Variants in ZNF337 observed in about 807,000 individuals in gnomAD.
The protein encoded by ZNF337 is zinc finger protein 337.
Under a neutral mutation model 12.1 loss-of-function variants are expected in ZNF337, and 8 were observed. The observed-to-expected ratio is 0.66, with a 90% confidence interval of 0.39 to 1.19. The LOEUF (loss-of-function observed/expected upper bound fraction) is 1.19, where lower values mean the gene tolerates loss of function less well. Among genes scored for constraint, ZNF337 ranks in the 50% most tolerant of loss-of-function variants. ZNF337 has a pLI of 0.01. For synonymous variants in ZNF337, 336 were observed against 320.0 expected (o/e 1.05, Z -0.53); for missense variants, 882 against 896.6 (o/e 0.98, Z 0.21).
In ZNF337 at chr20:25,675,184, C is replaced by T. The variant is rs1028976260; in HGVS notation, c.2104G>A (p.Val702Met). The change falls in exon 5 of 5, where the codon GTG becomes ATG. Residue 702 changes from valine to methionine, a missense_variant. Coordinates refer to ENST00000252979, the MANE Select transcript of ZNF337 (RefSeq NM_015655.4). ...RGYTSKSDLTVHERIHTGERP... is the reference protein window; with the variant it reads ...RGYTSKSDLTMHERIHTGERP... Reference sequence around the variant, plus strand: ...TCTCCTGTGTGTATTCTTTCATGCACAGTGAGGTCTGACTTACTGGTATAG... The same window carrying T: ...TCTCCTGTGTGTATTCTTTCATGCATAGTGAGGTCTGACTTACTGGTATAG... The T allele has an allele frequency of 6.2e-7, 1 of 1,614,266 alleles. No homozygotes were observed. Among genetic ancestry groups the T allele is most frequent in the African/African-American group, 1.3e-5 (1 of 75,064 alleles).
In ZNF337 at chr20:25,676,171, C is replaced by T. The variant is rs201475832; in HGVS notation, c.1117G>A (p.Glu373Lys). Residue 373 changes from glutamate (E) to lysine (K), a missense_variant, in exon 5 of 5, where the codon GAG (glutamate) becomes AAG (lysine). Coordinates refer to ENST00000252979, the MANE Select transcript of ZNF337 (RefSeq NM_015655.4). ...CACTGCCTGCACGCAAAGGGCTTCT[C>T]CCCTGAGTGTGTCCTCTGGTGTGTG... ...LITHQRTHSG[E>K]KPFACRQCKQ... 12 of 1,614,022 alleles carry T rather than the reference C, an allele frequency of 7.4e-6. No individual in the cohort carries two copies. In the Middle Eastern group the frequency reaches 1.2e-3, roughly 155 times the overall value.
rs1460915967 is a variant in ZNF337, at chr20:25,677,056, A to G, written c.251-19T>C. 1 of 1,550,832 alleles carries G rather than the reference A, an allele frequency of 6.4e-7. No homozygotes were observed. Among genetic ancestry groups the G allele is most frequent in the East Asian group, 2.3e-5 (1 of 44,102 alleles). Reference sequence around the variant, plus strand: ...TATATTCCTGGAGAATAGACCAACAATGAGACTGAATCAGTAACGAAAAGT... The same window carrying G: ...TATATTCCTGGAGAATAGACCAACAGTGAGACTGAATCAGTAACGAAAAGT... On this transcript the variant is annotated intron_variant, in intron 4 of 4. Coordinates refer to ENST00000252979, the MANE Select transcript of ZNF337 (RefSeq NM_015655.4).
chr20:25,686,712 G>C (rs2065837192), intron 1 of ZNF337: 2 of 484,268 alleles, frequency 4.1e-6, no homozygotes, highest in Non-Finnish European at 3.7e-6. Context: ...GGGGCTAAAA[G>C]GATGAGGAAC....
intron 4 of ZNF337, among the ~76,000 whole-genome samples, chr20:25,683,647 C>T (rs2065793854): frequency 1.3e-5 from 2 of 152,038 alleles, no homozygotes; most frequent in South Asian, 4.1e-4. Flanking sequence ...CAAATCAAAA[C>T]CACAATGAGA....
rs767811450 is a variant in ZNF337, at chr20:25,676,062, C to T, written c.1226G>A (p.Cys409Tyr). ...SGEKPFVCKD[C>Y]ERSFSQKSTL... Reference sequence around the variant, plus strand: ...TGACTTTTGGCTAAAGCTTCGCTCACAATCCTTGCACACAAAAGGCTTCTC... The same window carrying T: ...TGACTTTTGGCTAAAGCTTCGCTCATAATCCTTGCACACAAAAGGCTTCTC... The change falls in exon 5 of 5, where the codon TGT becomes TAT. Residue 409 changes from cysteine to tyrosine, a missense_variant. Transcript: ENST00000252979. 4 of 1,614,100 alleles carry T rather than the reference C, an allele frequency of 2.5e-6. No homozygotes were observed. The African/African-American group carries it at 5.3e-5, about 22-fold the overall frequency.
chr20:25,682,869 G>T (rs2065784044), intron 4 of ZNF337, among the ~76,000 whole-genome samples: 1 of 151,548 alleles, frequency 6.6e-6, no homozygotes, highest in Non-Finnish European at 1.5e-5. Flanking sequence ...TTAAATCTTT[G>T]TATCTTTATA....
chr20:25,677,910 A>T (rs2065723683), intron 4 of ZNF337: 1 of 152,182 alleles, frequency 6.6e-6, no homozygotes, highest in Non-Finnish European at 1.5e-5. Flanking sequence ...TATAGACAAT[A>T]TGTTCCAAAC....
At chr20:25,685,017 C>T (rs1600443680) in intron 4 of ZNF337, among the ~76,000 whole-genome samples, 3 of 151,598 alleles carry the variant, frequency 2.0e-5, no homozygotes, top group South Asian at 4.2e-4. Flanking sequence ...AGGAGAAACA[C>T]CTAATGTAAA....
intron 4 of ZNF337, among the ~76,000 whole-genome samples, chr20:25,684,305 T>G (rs1014208550): frequency 1.3e-5 from 2 of 151,798 alleles, no homozygotes; most frequent in Non-Finnish European, 2.9e-5. Flanking sequence ...TATACATATG[T>G]AACTAACCTG....
At chr20:25,681,638 C>T (rs764794414) in intron 4 of ZNF337, among the ~76,000 whole-genome samples, 15 of 152,066 alleles carry the variant, frequency 9.9e-5, no homozygotes, top group African/African-American at 3.4e-4. Flanking sequence ...CTCTGGTGGA[C>T]GTGGGGGCAG....
chr20:25,686,646 T>C (rs2065836568), intron 1 of ZNF337, 180 bp from the exon 2 acceptor site: 1 of 568,576 alleles, frequency 1.8e-6, no homozygotes, highest in Non-Finnish European at 3.1e-6. Context: ...GACAAGCTCA[T>C]CTGGGAGTGA....
chr20:25,683,897 T>C (rs2065796509), intron 4 of ZNF337, among the ~76,000 whole-genome samples: 1 of 152,028 alleles, frequency 6.6e-6, no homozygotes, highest in African/African-American at 2.4e-5. Context: ...TAAAGACACA[T>C]GCACACGTAT....
At chr20:25,687,950 T>A (rs972684010) in intron 1 of ZNF337, among the ~76,000 whole-genome samples, 4 of 152,218 alleles carry the variant, frequency 2.6e-5, no homozygotes, top group African/African-American at 7.2e-5. Context: ...TCCTCAACTG[T>A]GGCAAAATAA....
chr20:25,685,848 C>T (rs539780319), intron 3 of ZNF337, 148 bp downstream of exon 3: 2 of 1,302,770 alleles, frequency 1.5e-6, no homozygotes, highest in African/African-American at 1.5e-5. Context: ...CCTGCAGGTG[C>T]CCAGTGGCAG....
At chr20:25,695,923 G>A (rs1436114743) in intron 1 of ZNF337, among the ~76,000 whole-genome samples, 1 of 152,100 alleles carries the variant, frequency 6.6e-6, no homozygotes, top group African/African-American at 2.4e-5. Flanking sequence ...GACCTCTTGA[G>A]GCTGAATAAC....
rs77230347 is a variant in ZNF337 at position 25,693,609 on chromosome 20, A to C, written c.-50+3150T>G. On this transcript the variant is annotated intron_variant, in intron 1 of 4. Transcript: ENST00000252979. ...GCACTGAGAGAAGAAATGTAGGGACAATGATGGAAGTGTCCTGAATGAGGG... is the reference window on the plus strand; with the variant it reads ...GCACTGAGAGAAGAAATGTAGGGACCATGATGGAAGTGTCCTGAATGAGGG... Among the ~76,000 whole-genome samples the C allele has an allele frequency of 8.1e-3, 1,227 of 152,308 alleles. 25 individuals are homozygous for C. Among genetic ancestry groups the C allele is most frequent in the African/African-American group, 0.028 (1,173 of 41,568 alleles).
chr20:25,682,886 A>G (rs1202358661), intron 4 of ZNF337, among the ~76,000 whole-genome samples: 1 of 152,124 alleles, frequency 6.6e-6, no homozygotes, highest in African/African-American at 2.4e-5. Context: ...TATAAACTTG[A>G]TCTAGGAAGG....
intron 1 of ZNF337, among the ~76,000 whole-genome samples, chr20:25,696,099 C>CA (rs1555886834): frequency 1.6e-5 from 2 of 123,276 alleles, no homozygotes; most frequent in African/African-American, 3.7e-5. Context: ...CCCCCCCCCC[C>CA]CCACCAAAAC....
At chr20:25,696,246 C>A (rs191251362) in intron 1 of ZNF337, among the ~76,000 whole-genome samples, 4 of 152,116 alleles carry the variant, frequency 2.6e-5, no homozygotes, top group African/African-American at 9.7e-5. Context: ...CCTCCCCTGT[C>A]CCGCCTCCCA....
Sources: gnomAD v4.1 joint callset for allele counts (sites outside exome capture counted in the v4.1 genomes callset) on GRCh38, gnomAD v4.1.1 for gene constraint, MANE v1.5 for transcripts, NCBI Gene and HGNC (gene_info 2026-07-23, HGNC 2026-07-21) for gene names.